CRADD: variants seen among roughly 807,000 people sequenced by gnomAD.
The protein encoded by CRADD is CARD and death domain containing adaptor protein.
A neutral mutation model predicts 15.5 loss-of-function variants in CRADD; 9 were observed. That is an observed-to-expected ratio of 0.58 (90% CI 0.35 to 1.01). The LOEUF (loss-of-function observed/expected upper bound fraction) is 1.01. CRADD is among the 50% of genes least tolerant of loss of function. The pLI, the probability that CRADD is intolerant of heterozygous loss-of-function variation, is 0.02. For missense variants in CRADD, 227 were observed against 250.3 expected, an observed-to-expected ratio of 0.91 and a Z score of 0.63; for synonymous variants, 118 against 107.6, an observed-to-expected ratio of 1.10 and a Z score of -0.60.
chr12:93,756,129 T>G lies in CRADD; in HGVS notation c.298+77057T>G, dbSNP rs180870780. The stretch of plus-strand genomic sequence containing the variant: ...CACTTTTTAAAAAAGCACTAATAAT[T>G]ATCTAAAACACTAAAAAATTTATTT... On this transcript the variant is annotated intron_variant, in intron 2 of 2. Coordinates refer to ENST00000332896, the MANE Select transcript of CRADD (RefSeq NM_003805.5). Among the ~76,000 whole-genome samples the G allele has an allele frequency of 1.9e-3, 282 of 152,342 alleles. 1 individual carries two copies. Among genetic ancestry groups the G allele is most frequent in the Middle Eastern group, 6.8e-3 (2 of 294 alleles).
intron 2 of CRADD, among the ~76,000 whole-genome samples, chr12:93,775,722 G>A (rs921909074): frequency 1.8e-4 from 27 of 152,212 alleles, no homozygotes; most frequent in African/African-American, 6.5e-4. Flanking sequence ...GATGCTTTCC[G>A]TTTGGAGGTT....
chr12:93,872,091 G>A lies in CRADD; in HGVS notation c.299-21959G>A, dbSNP rs565683660. 9.3e-4 allele frequency among the ~76,000 whole-genome samples: 142 copies of A among 152,062 alleles called. 2 individuals are homozygous for A. In the South Asian group the frequency reaches 0.012, roughly 13 times the overall value. On this transcript the variant is annotated intron_variant, in intron 2 of 2. Coordinates refer to the CRADD transcript ENST00000548483. The stretch of plus-strand genomic sequence containing the variant: ...AACATCTGTTATTGCTTGTCTTTTG[G>A]ATATAAGCCATTTTAACTGGGATGA...
At chr12:93,764,731 TGG>T (rs1164793614) in intron 2 of CRADD, among the ~76,000 whole-genome samples, 9 of 99,578 alleles carry the variant, frequency 9.0e-5, no homozygotes, top group Non-Finnish European at 1.2e-4. Flanking sequence ...ATCATATTTT[TGG>T]TTTTTTTTTT....
intron 2 of CRADD, among the ~76,000 whole-genome samples, chr12:93,770,164 C>T (rs1213013114): frequency 1.4e-5 from 2 of 144,518 alleles, no homozygotes; most frequent in East Asian, 4.3e-4. Flanking sequence ...GGCGCAATCT[C>T]GGCTCACTGC....
chr12:93,875,534 T>C (rs1366195952), intron 2 of CRADD, among the ~76,000 whole-genome samples: 1 of 152,092 alleles, frequency 6.6e-6, no homozygotes, highest in African/African-American at 2.4e-5. Context: ...GGAGGTAAGA[T>C]TTGGTTTCTT....
chr12:93,891,949 T>C (rs1958579007), intron 2 of CRADD, among the ~76,000 whole-genome samples: 1 of 152,246 alleles, frequency 6.6e-6, no homozygotes, highest in African/African-American at 2.4e-5. Context: ...CTTTCTGTTA[T>C]CCATTTCAAG....
chr12:93,721,460 C>CACAT (rs1956261994), intron 2 of CRADD, among the ~76,000 whole-genome samples: 1 of 151,960 alleles, frequency 6.6e-6, no homozygotes, highest in Non-Finnish European at 1.5e-5. Flanking sequence ...AACACACACA[C>CACAT]ATATATATAT....
At chr12:93,753,340 G>A (rs772586336) in intron 2 of CRADD, among the ~76,000 whole-genome samples, 32 of 152,042 alleles carry the variant, frequency 2.1e-4, no homozygotes, top group Admixed American at 1.7e-3. Context: ...ACTTGTGTGC[G>A]GACACAGCCA....
intron 2 of CRADD, among the ~76,000 whole-genome samples, chr12:93,879,608 A>G (rs1241321660): frequency 6.6e-6 from 1 of 152,186 alleles, no homozygotes; most frequent in African/African-American, 2.4e-5. Context: ...CCTCAAATAA[A>G]CAAGTAGGGA....
At chr12:93,794,326 A>C (rs1957387711) in intron 2 of CRADD, among the ~76,000 whole-genome samples, 3 of 152,066 alleles carry the variant, frequency 2.0e-5, no homozygotes, top group Admixed American at 2.0e-4. Flanking sequence ...TGAATCTGAG[A>C]GGCATCTCAA....
chr12:93,680,757 A>C (rs1419194451), intron 2 of CRADD, among the ~76,000 whole-genome samples: 2 of 152,214 alleles, frequency 1.3e-5, no homozygotes, highest in Non-Finnish European at 2.9e-5. Flanking sequence ...TTCTGCTGGC[A>C]TCATATAGTT....
intron 2 of CRADD, among the ~76,000 whole-genome samples, chr12:93,799,358 A>G (rs1957453531): frequency 6.6e-6 from 1 of 152,132 alleles, no homozygotes; most frequent in African/African-American, 2.4e-5. Context: ...TGCATTTTAT[A>G]TTGTAACCCA....
intron 2 of CRADD, among the ~76,000 whole-genome samples, chr12:93,770,616 T>C (rs1222881187): frequency 6.6e-6 from 1 of 152,234 alleles, no homozygotes; most frequent in East Asian, 1.9e-4. Flanking sequence ...CAAATATCCA[T>C]ATATGAATGG....
chr12:93,729,600 A>G (rs1956428124), intron 2 of CRADD, among the ~76,000 whole-genome samples: 2 of 152,064 alleles, frequency 1.3e-5, no homozygotes, highest in South Asian at 4.1e-4. Flanking sequence ...AGCCTGACCA[A>G]CATGGAGAAA....
chr12:93,682,989 T>C (rs1391612393), intron 2 of CRADD, among the ~76,000 whole-genome samples: 1 of 152,206 alleles, frequency 6.6e-6, no homozygotes, highest in Non-Finnish European at 1.5e-5. Context: ...CAAGGTCACA[T>C]ACTAGACATT....
intron 2 of CRADD, among the ~76,000 whole-genome samples, chr12:93,720,771 C>G (rs574801774): frequency 2.6e-4 from 39 of 152,328 alleles, no homozygotes; most frequent in South Asian, 6.2e-4. Flanking sequence ...GTATAGCTTT[C>G]TCCAACCATT....
chr12:93,716,757 G>A (rs1399872757), intron 2 of CRADD, among the ~76,000 whole-genome samples: 2 of 152,058 alleles, frequency 1.3e-5, no homozygotes, highest in African/African-American at 2.4e-5. Flanking sequence ...GGATATCACC[G>A]TTTATTTATC....
At chr12:93,753,750 A>G (rs1298493896) in intron 2 of CRADD, among the ~76,000 whole-genome samples, 5 of 152,216 alleles carry the variant, frequency 3.3e-5, no homozygotes, top group Non-Finnish European at 7.3e-5. Context: ...GTCTCCCACA[A>G]CTTTGGGCAG....
intron 2 of CRADD, among the ~76,000 whole-genome samples, chr12:93,726,329 C>T (rs1227095150): frequency 1.3e-5 from 2 of 152,066 alleles, no homozygotes; most frequent in Non-Finnish European, 2.9e-5. Flanking sequence ...GCCTCGAACT[C>T]CTGACCTCAG....
Sources: gnomAD v4.1 joint callset for allele counts (sites outside exome capture counted in the v4.1 genomes callset) on GRCh38, gnomAD v4.1.1 for gene constraint, MANE v1.5 for transcripts, NCBI Gene and HGNC (gene_info 2026-07-23, HGNC 2026-07-21) for gene names.